FGF14: variants seen among roughly 807,000 people sequenced by gnomAD.
FGF14 encodes the protein fibroblast growth factor 14, also known as fibroblast growth factor homologous factor 4.
Under a neutral mutation model 25.5 loss-of-function variants are expected in FGF14, and 5 were observed. That is an observed-to-expected ratio of 0.20 (90% confidence interval 0.10 to 0.41). The LOEUF (loss-of-function observed/expected upper bound fraction) is 0.41, where lower values mean the gene tolerates loss of function less well. Among genes scored for constraint, FGF14 ranks in the 10% least tolerant of loss-of-function variants. FGF14 has a pLI of 1.00. For missense variants in FGF14, 222 were observed against 320.1 expected (o/e 0.69, Z 2.34); for synonymous variants, 138 against 118.3 (o/e 1.17, Z -1.08).
intron 1 of FGF14, among the ~76,000 whole-genome samples, chr13:101,968,682 A>AAAAAAAAC (rs1477845924): frequency 6.6e-6 from 1 of 151,792 alleles, no homozygotes; most frequent in African/African-American, 2.4e-5. Flanking sequence ...CCAAAAAAAA[A>AAAAAAAAC]AAAAAAAACC....
At chr13:102,233,791 G>T (rs1388893563) in intron 1 of FGF14, among the ~76,000 whole-genome samples, 1 of 152,182 alleles carries the variant, frequency 6.6e-6, no homozygotes, top group Admixed American at 6.5e-5. Context: ...TTTCCAGGAA[G>T]CTTACTGTTG....
intron 1 of FGF14, among the ~76,000 whole-genome samples, chr13:102,284,292 ACTGCCC>A (rs1379210826): frequency 6.6e-6 from 1 of 152,208 alleles, no homozygotes; most frequent in Non-Finnish European, 1.5e-5. Flanking sequence ...CTTATAAAGG[ACTGCCC>A]CTCATGAAGG....
chr13:102,106,048 T>C (rs1406880290), intron 1 of FGF14, among the ~76,000 whole-genome samples: 1 of 152,126 alleles, frequency 6.6e-6, no homozygotes, highest in East Asian at 1.9e-4. Context: ...TTCAAAAAGA[T>C]CAACATATTT....
chr13:101,795,082 C>T (rs1021914303), intron 3 of FGF14, among the ~76,000 whole-genome samples: 3 of 152,078 alleles, frequency 2.0e-5, no homozygotes, highest in Admixed American at 6.6e-5. Context: ...AGTGAGTTGG[C>T]CAGATAGTAA....
At chr13:102,172,187 T>C (rs1308060557) in intron 1 of FGF14, among the ~76,000 whole-genome samples, 6 of 151,988 alleles carry the variant, frequency 3.9e-5, no homozygotes, top group Non-Finnish European at 8.8e-5. Flanking sequence ...AAAATACTGA[T>C]ATCAAATCTC....
intron 3 of FGF14, among the ~76,000 whole-genome samples, chr13:101,766,230 C>T (rs9513945): frequency 0.43 from 64,998 of 151,848 alleles, 15,023 homozygotes; most frequent in Middle Eastern, 0.52. Flanking sequence ...AAATGAATTG[C>T]ATAGTTCCAT....
chr13:101,765,718 T>TTTTATTTATTTATTTATTTATTTATTTA (rs561624693), intron 3 of FGF14, among the ~76,000 whole-genome samples: 8 of 143,320 alleles, frequency 5.6e-5, no homozygotes, highest in African/African-American at 2.2e-4. Context: ...ATTATTATTA[T>TTTTATTTATTTATTTATTTATTTATTTA]TTTATTTATT....
intron 1 of FGF14, among the ~76,000 whole-genome samples, chr13:102,161,565 T>TGGAAGAAGAAGAAGAA: frequency 1.0e-5 from 1 of 97,926 alleles, no homozygotes; most frequent in Non-Finnish European, 2.4e-5. Context: ...CAACTTTCTG[T>TGGAAGAAGAAGAAGAA]GAAGAAAGAA....
chr13:102,199,464 G>A (rs2049513780), intron 1 of FGF14, among the ~76,000 whole-genome samples: 1 of 152,124 alleles, frequency 6.6e-6, no homozygotes, highest in Admixed American at 6.6e-5. Context: ...AGGTACTTTT[G>A]TGACTTGATG....
chr13:102,074,180 T>TA (rs1337172467), intron 1 of FGF14, among the ~76,000 whole-genome samples: 1 of 152,174 alleles, frequency 6.6e-6, no homozygotes, highest in South Asian at 2.1e-4. Flanking sequence ...CTGGCAATTT[T>TA]AAAAAATTTT....
At chr13:102,167,794 C>CT (rs11330328) in intron 1 of FGF14, among the ~76,000 whole-genome samples, 2,759 of 143,944 alleles carry the variant, frequency 0.019, 51 homozygotes, top group African/African-American at 0.053. Context: ...CATGCTAGCT[C>CT]TTTTTTTTTT....
chr13:102,288,038 G>A lies in FGF14; in HGVS notation c.208+113433C>T, dbSNP rs192311837. On this transcript the variant is annotated intron_variant, in intron 1 of 4. Coordinates refer to the FGF14 transcript ENST00000376131. ...ATCAGAGAATAAAGTAGTCTTTGAA[G>A]TTGAATCTCTCTAAGAGTCTAAAAA... is the stretch of plus-strand genomic sequence containing the variant. Among the ~76,000 whole-genome samples, 458 of 152,312 alleles carry A rather than the reference G, an allele frequency of 3.0e-3. 3 individuals are homozygous for A. Among genetic ancestry groups the A allele is most frequent in the Middle Eastern group, 0.014 (4 of 294 alleles).
intron 3 of FGF14, among the ~76,000 whole-genome samples, chr13:101,735,643 T>TCC (rs1170137764): frequency 6.6e-6 from 1 of 150,792 alleles, no homozygotes; most frequent in Non-Finnish European, 1.5e-5. Flanking sequence ...TGGGTTGGCT[T>TCC]CCCTGGATTG....
chr13:101,885,491 AC>A (rs2138840910), intron 1 of FGF14, among the ~76,000 whole-genome samples: 2 of 152,258 alleles, frequency 1.3e-5, no homozygotes, highest in South Asian at 4.1e-4. Flanking sequence ...TCAGAGCCAT[AC>A]TTTTAATTTC....
chr13:101,958,073 A>T (rs2036617669), intron 1 of FGF14, among the ~76,000 whole-genome samples: 2 of 152,250 alleles, frequency 1.3e-5, no homozygotes, highest in Admixed American at 1.3e-4. Flanking sequence ...ACGTGTTAAC[A>T]TCTGTAAACA....
At chr13:102,084,880 T>C (rs1348544472) in intron 1 of FGF14, among the ~76,000 whole-genome samples, 1 of 152,166 alleles carries the variant, frequency 6.6e-6, no homozygotes, top group Non-Finnish European at 1.5e-5. Context: ...AAAGCAAAAC[T>C]GTCAGAAATG....
intron 1 of FGF14, among the ~76,000 whole-genome samples, chr13:101,992,252 G>C (rs1438092993): frequency 6.6e-6 from 1 of 152,036 alleles, no homozygotes; most frequent in African/African-American, 2.4e-5. Context: ...TGGGGGGTGG[G>C]GGACAAAAAT....
At chr13:102,237,578 C>T (rs1470250448) in intron 1 of FGF14, among the ~76,000 whole-genome samples, 1 of 91,030 alleles carries the variant, frequency 1.1e-5, no homozygotes, top group African/African-American at 5.4e-5. Context: ...GGGTTTTTTA[C>T]ACTTCAGAAA....
intron 1 of FGF14, among the ~76,000 whole-genome samples, chr13:102,324,833 C>A (rs1391555033): frequency 6.6e-6 from 1 of 152,174 alleles, no homozygotes. Flanking sequence ...AAACGTGTTA[C>A]AAATGTGAAT....
Sources: gnomAD v4.1 joint callset for allele counts (sites outside exome capture counted in the v4.1 genomes callset) on GRCh38, gnomAD v4.1.1 for gene constraint, MANE v1.5 for transcripts, NCBI Gene and HGNC (gene_info 2026-07-23, HGNC 2026-07-21) for gene names.